The following SNTG2 variants were observed in gnomAD, a reference collection of about 807,000 sequenced individuals.
The protein encoded by SNTG2 is gamma-2-syntrophin.
SNTG2 carries 74 observed loss-of-function variants against 70.9 expected under a neutral mutation model. That is an observed-to-expected ratio of 1.04 (90% CI 0.86 to 1.27). SNTG2 has a LOEUF of 1.27. Among genes scored for constraint, SNTG2 ranks in the 50% most tolerant of loss-of-function variants. The probability of loss-of-function intolerance (pLI) is 0.00; values close to 1 mark genes in which losing one functional copy is unlikely to be tolerated. For missense variants in SNTG2, 717 were observed against 690.7 expected, an observed-to-expected ratio of 1.04 and a Z score of -0.43; for synonymous variants, 278 against 273.8, an observed-to-expected ratio of 1.02 and a Z score of -0.15.
chr2:1,082,323 G>C (rs1162545131), intron 1 of SNTG2, among the ~76,000 whole-genome samples: 2 of 152,132 alleles, frequency 1.3e-5, no homozygotes, highest in East Asian at 3.8e-4. Flanking sequence ...GCTCAGCCTG[G>C]ATCTTACCTG....
At position 1,316,372 on chromosome 2, in the gene SNTG2, G is replaced by A. The variant is rs1035706860; in HGVS notation, c.1485G>A (p.Thr495=). The A allele has an allele frequency of 1.6e-5, 24 of 1,485,118 alleles. No homozygotes were observed. The highest frequency in any genetic ancestry group is 4.9e-5 in the East Asian group (2 of 40,606). 92.0% of individuals were successfully genotyped at this position (1,485,118 alleles called of 1,614,324 possible). Residue 495 remains threonine (T), a synonymous_variant, in exon 16 of 17, where the codon ACG becomes ACA. Coordinates refer to ENST00000308624, the MANE Select transcript of SNTG2 (RefSeq NM_018968.4). The part of the protein sequence containing the change: ...FQNLDTKQIE[T]KELEFQDLRA... Reference sequence around the variant, plus strand: ...ATCTGGACACCAAACAGATTGAGACGAAGGTATGCGGCATGGGGCATGGGT... The same window carrying A: ...ATCTGGACACCAAACAGATTGAGACAAAGGTATGCGGCATGGGGCATGGGT...
In SNTG2 at chr2:1,247,333, C is replaced by T; in HGVS notation, c.895C>T (p.His299Tyr). ...AATTTTCACCCCTCTGCAGGTTGTGCATATGGGGTGGGTAAATGAGAAACT... is the reference window on the plus strand; with the variant it reads ...AATTTTCACCCCTCTGCAGGTTGTGTATATGGGGTGGGTAAATGAGAAACT... Reference protein sequence around the residue: ...KCCSPSDQVVHMGWVNEKLQG... With the variant: ...KCCSPSDQVVYMGWVNEKLQG... The change falls in exon 12 of 17, where the codon CAT becomes TAT. Residue 299 changes from histidine to tyrosine, a missense_variant. Physicochemically the swap from His to Tyr is moderately conservative, Grantham distance 83. Coordinates refer to ENST00000308624, the MANE Select transcript of SNTG2 (RefSeq NM_018968.4). 1.2e-6 allele frequency: 2 copies of T among 1,605,286 alleles called. No individual in the cohort carries two copies. The highest frequency in any genetic ancestry group is 2.2e-5 in the East Asian group (1 of 44,798).
intron 7 of SNTG2, among the ~76,000 whole-genome samples, chr2:1,167,588 T>TACAGGCCGCCCACAGACGGC (rs1670812956): frequency 8.1e-6 from 1 of 123,790 alleles, no homozygotes; most frequent in African/African-American, 3.1e-5. Flanking sequence ...AACTGAAGCC[T>TACAGGCCGCCCACAGACGGC]AGAAGCCGCC....
At chr2:1,352,913 ATGT>A (rs1380744896) in intron 16 of SNTG2, among the ~76,000 whole-genome samples, 2 of 152,242 alleles carry the variant, frequency 1.3e-5, no homozygotes, top group Non-Finnish European at 2.9e-5. Context: ...CTGGGTATTG[ATGT>A]TGTACCGGAA....
At chr2:1,352,354 A>G (rs1390792168) in intron 16 of SNTG2, among the ~76,000 whole-genome samples, 1 of 151,510 alleles carries the variant, frequency 6.6e-6, no homozygotes, top group Non-Finnish European at 1.5e-5. Flanking sequence ...CCTTTGGACT[A>G]GGATGCAGGC....
intron 4 of SNTG2, among the ~76,000 whole-genome samples, chr2:1,133,371 CTTGA>C (rs1668150202): frequency 6.6e-6 from 1 of 152,088 alleles, no homozygotes; most frequent in Non-Finnish European, 1.5e-5. Context: ...TGTTCCAAAC[CTTGA>C]TTATATTACC....
At chr2:1,205,335 C>T (rs1032216829) in intron 8 of SNTG2, among the ~76,000 whole-genome samples, 3 of 152,098 alleles carry the variant, frequency 2.0e-5, no homozygotes, top group African/African-American at 7.2e-5. Flanking sequence ...CAATTTTTCT[C>T]GAGTTTTCAA....
At chr2:1,300,187 T>C (rs1319279926) in intron 14 of SNTG2, among the ~76,000 whole-genome samples, 9 of 150,350 alleles carry the variant, frequency 6.0e-5, no homozygotes, top group African/African-American at 2.2e-4. Flanking sequence ...ACAGGTGCCT[T>C]AAATGAGGGC....
intron 6 of SNTG2, among the ~76,000 whole-genome samples, chr2:1,155,317 C>T (rs1468313881): frequency 6.6e-6 from 1 of 151,470 alleles, no homozygotes; most frequent in Non-Finnish European, 1.5e-5. Context: ...CACATTCACA[C>T]CACATGCATA....
At chr2:1,272,734 AGAAAGGACACCCCAGGGAGCGGGTG>A (rs1679101059) in intron 14 of SNTG2, among the ~76,000 whole-genome samples, 1 of 146,742 alleles carries the variant, frequency 6.8e-6, no homozygotes, top group Non-Finnish European at 1.5e-5. Flanking sequence ...GAGCGGGTGC[AGAAAGGACACCCCAGGGAGCGGGTG>A]CAGAAAGGAC....
chr2:1,272,678 G>A (rs1679094907), intron 14 of SNTG2, among the ~76,000 whole-genome samples: 1 of 149,004 alleles, frequency 6.7e-6, no homozygotes, highest in Admixed American at 6.7e-5. Context: ...GGGAGCGGGT[G>A]TAGAAAGGAC....
At position 1,213,706 on chromosome 2, in the gene SNTG2, G is replaced by A. The variant is rs1008189442; in HGVS notation, c.719+4476G>A. On this transcript the variant is annotated intron_variant, in intron 9 of 16. Transcript: ENST00000308624. ...ATTAACCTTACCTGCATGTCTTTGT[G>A]GGGAGGAAACCAGAGTGCTTAGAAA... Among the ~76,000 whole-genome samples, 13 of 152,214 alleles carry A rather than the reference G, an allele frequency of 8.5e-5. No homozygotes were observed. The East Asian group carries it at 1.4e-3, about 16-fold the overall frequency.
intron 8 of SNTG2, among the ~76,000 whole-genome samples, chr2:1,208,647 C>T (rs1365084809): frequency 1.3e-5 from 2 of 152,186 alleles, no homozygotes; most frequent in Non-Finnish European, 1.5e-5. Context: ...GACCACAGCA[C>T]AGAGTCGTTG....
At chr2:1,114,422 G>A (rs1019151508) in intron 4 of SNTG2, among the ~76,000 whole-genome samples, 2 of 152,046 alleles carry the variant, frequency 1.3e-5, no homozygotes, top group African/African-American at 4.8e-5. Flanking sequence ...TGTACTAAGT[G>A]AGGTTTAACC....
chr2:1,044,131 G>GC (rs1048115871), intron 1 of SNTG2, among the ~76,000 whole-genome samples: 8 of 151,594 alleles, frequency 5.3e-5, no homozygotes, highest in African/African-American at 1.7e-4. Context: ...CACCACCGCT[G>GC]CCCCCCCACC....
At chr2:1,178,536 C>G (rs1275018165) in intron 8 of SNTG2, among the ~76,000 whole-genome samples, 4 of 152,030 alleles carry the variant, frequency 2.6e-5, no homozygotes, top group Non-Finnish European at 5.9e-5. Flanking sequence ...TTGTCAAAGG[C>G]CTTTTCTGCA....
At chr2:979,393 A>G (rs1196508023) in intron 1 of SNTG2, among the ~76,000 whole-genome samples, 4 of 152,240 alleles carry the variant, frequency 2.6e-5, no homozygotes, top group Non-Finnish European at 5.9e-5. Context: ...ATGCTGCACA[A>G]ATGGCCTCAT....
chr2:1,181,182 C>G (rs577734446), intron 8 of SNTG2, among the ~76,000 whole-genome samples: 3 of 151,828 alleles, frequency 2.0e-5, no homozygotes, highest in Admixed American at 1.3e-4. Context: ...CTAACCTGCA[C>G]ATTGTGCACA....
chr2:1,255,915 T>TAA (rs1558602996), intron 12 of SNTG2, among the ~76,000 whole-genome samples: 4 of 85,674 alleles, frequency 4.7e-5, no homozygotes, highest in African/African-American at 1.1e-4. Context: ...TAAATATATA[T>TAA]ATAAATATAT....
Sources: allele counts gnomAD v4.1 joint callset (sites outside exome capture counted in the v4.1 genomes callset), GRCh38; gene constraint gnomAD v4.1.1; transcripts MANE v1.5; gene names NCBI Gene and HGNC (gene_info 2026-07-23, HGNC 2026-07-21).